CCDC187: variants seen among roughly 807,000 people sequenced by gnomAD.
The protein encoded by CCDC187 is coiled-coil domain containing 187, also known as coiled-coil domain-containing protein 187.
Under a neutral mutation model 38.0 loss-of-function variants are expected in CCDC187, and 32 were observed. The observed-to-expected ratio is 0.84, with a 90% CI of 0.64 to 1.13. The LOEUF (loss-of-function observed/expected upper bound fraction) is 1.13. CCDC187 is among the 50% of genes most tolerant of loss of function. CCDC187 has a pLI of 0.00. For synonymous variants in CCDC187, 333 were observed against 347.9 expected (o/e 0.96, Z 0.48); for missense variants, 707 against 786.8 (o/e 0.90, Z 1.21).
Position 136,303,736 on chromosome 9 carries a change from T to C in CCDC187, c.95A>G (p.His32Arg), listed in dbSNP as rs1192688704. The C allele has an allele frequency of 2.0e-5, 3 of 152,036 alleles. No individual in the cohort carries two copies. The highest frequency in any genetic ancestry group is 3.9e-4 in the East Asian group (2 of 5,130). The allele number at this position is 152,036 out of a possible 1,614,324, so 9.4% of individuals were successfully genotyped here. The change falls in exon 1 of 26, where the codon CAT becomes CGT. Residue 32 changes from histidine (H) to arginine (R), a missense_variant. Physicochemically the swap from His to Arg is conservative, Grantham distance 29. Coordinates refer to ENST00000638797, the MANE Select transcript of CCDC187 (RefSeq NM_001378188.1). ...GTCGGCTGCTCTCCCTGGGGCCCCA[T>C]GGGAGAAGGGGCCCTGCCTCTGGCT... ...KNSQRQGPFS[H>R]GAPGRAADWK... is the part of the protein sequence containing the mutation.
chr9:136,284,045 GGA>G (rs1276920838), intron 9 of CCDC187, among the ~76,000 whole-genome samples: 1 of 152,198 alleles, frequency 6.6e-6, no homozygotes, highest in Non-Finnish European at 1.5e-5. Context: ...GGGGGCTTCA[GGA>G]GAGGAAGCTG....
chr9:136,294,813 A>G (rs967820053), intron 4 of CCDC187, among the ~76,000 whole-genome samples: 9 of 151,944 alleles, frequency 5.9e-5, no homozygotes, highest in African/African-American at 1.2e-4. Context: ...CATGCCCCAC[A>G]CCCACTTTAG....
upstream of CCDC187, among the ~76,000 whole-genome samples, chr9:136,305,306 G>A (rs1831783035): frequency 6.6e-6 from 1 of 152,226 alleles, no homozygotes; most frequent in South Asian, 2.1e-4. Context: ...GGATGTTACA[G>A]GGAGCTTCAG....
intron 15 of CCDC187, 108 bp from the exon 16 acceptor site, chr9:136,267,619 T>C: frequency 1.0e-6 from 1 of 985,228 alleles, no homozygotes; most frequent in African/African-American, 1.7e-5. Flanking sequence ...TCTAGACCGC[T>C]CCCAGCACAG....
intron 14 of CCDC187, among the ~76,000 whole-genome samples, chr9:136,273,877 C>T (rs1183597482): frequency 2.0e-5 from 3 of 152,374 alleles, no homozygotes; most frequent in Non-Finnish European, 4.4e-5. Context: ...GCTGGGAAGT[C>T]ACCGCATCTG....
chr9:136,266,069 C>G, intron 16 of CCDC187, 26 bp from the exon 17 acceptor site: 1 of 980,526 alleles, frequency 1.0e-6, no homozygotes, highest in Non-Finnish European at 1.2e-6. Flanking sequence ...AACATCACTG[C>G]CAATGTTGAC....
chr9:136,293,590 G>A (rs1389314588), intron 4 of CCDC187, among the ~76,000 whole-genome samples: 4 of 149,078 alleles, frequency 2.7e-5, no homozygotes, highest in Non-Finnish European at 5.9e-5. Context: ...ACTCCCTCAC[G>A]TGCTCCCAGG....
At chr9:136,293,763 G>A (rs1472437735) in intron 4 of CCDC187, among the ~76,000 whole-genome samples, 1 of 144,918 alleles carries the variant, frequency 6.9e-6, no homozygotes, top group African/African-American at 2.6e-5. Flanking sequence ...TGTACACACT[G>A]ACATGCTCAC....
rs1166317099 is a variant in CCDC187, at chr9:136,263,882, G to C, written c.3736-84C>G. On this transcript the variant is annotated intron_variant, in intron 17 of 25. Coordinates refer to ENST00000638797, the MANE Select transcript of CCDC187 (RefSeq NM_001378188.1). ...CAACAAAAGGGAAGGGGTGTCTGGG[G>C]GGATGCCCTGGCCCTCACACTGGGA... The C allele has an allele frequency of 4.3e-6, 4 of 920,010 alleles. No individual in the cohort carries two copies. The African/African-American group carries it at 7.2e-5, about 16-fold the overall frequency. 57.0% of individuals were successfully genotyped at this position (920,010 alleles called of 1,614,324 possible). A position where few individuals can be genotyped will look rare whatever the true frequency, so the allele number is the denominator to read the frequency against.
intron 3 of CCDC187, among the ~76,000 whole-genome samples, chr9:136,299,410 A>G (rs1446355191): frequency 2.6e-5 from 4 of 152,180 alleles, no homozygotes; most frequent in African/African-American, 9.7e-5. Context: ...CTGTCCCCAC[A>G]AAAACGCACA....
rs1379502151 is a variant in CCDC187, at chr9:136,257,874, C to T, written c.4367-1033G>A. Among the ~76,000 whole-genome samples, 2 of 152,212 alleles carry T rather than the reference C, an allele frequency of 1.3e-5. No individual in the cohort carries two copies. Among genetic ancestry groups the T allele is most frequent in the East Asian group, 1.9e-4 (1 of 5,196 alleles). On this transcript the variant is annotated intron_variant, in intron 22 of 25. Transcript: ENST00000638797. This position sits in a 1 kb window ranked among gnomAD's most constrained non-coding sequence, Gnocchi z 4.5. Reference sequence around the variant, plus strand: ...CTTTTGATCAGAGAGCGGCCGGCACCGCAGTCAGGCAGACTCAGGGTGAAC... The same window carrying T: ...CTTTTGATCAGAGAGCGGCCGGCACTGCAGTCAGGCAGACTCAGGGTGAAC...
rs1376506567 is a variant in CCDC187 at position 136,250,209 on chromosome 9, C to T, written c.*3385G>A. ...CAGAGTAACCTGACGGCTCCGGCCC[C>T]CTCCAGGGCCGCTGTCCTTGGAAGC... On this transcript the variant is annotated 3_prime_UTR_variant, in exon 26 of 26. Transcript: ENST00000638797. 1.2e-5 allele frequency: 2 copies of T among 162,326 alleles called. No homozygotes were observed. Among genetic ancestry groups the T allele is most frequent in the African/African-American group, 2.4e-5 (1 of 41,522 alleles). 10.1% of individuals were successfully genotyped at this position (162,326 alleles called of 1,614,324 possible).
At position 136,258,882 on chromosome 9, in the gene CCDC187, G is replaced by A; in HGVS notation, c.4366+50C>T. On this transcript the variant is annotated intron_variant, in intron 22 of 25. Coordinates refer to ENST00000638797, the MANE Select transcript of CCDC187 (RefSeq NM_001378188.1). This position sits in a 1 kb window ranked among gnomAD's most constrained non-coding sequence, Gnocchi z 4.3. ...TCGGACAGGCTCTGCTGGATGTGGG[G>A]GAAGTGTCTGGCGCCGTGGAGGCCC... 1.0e-6 allele frequency: 1 copy of A among 985,572 alleles called. No homozygotes were observed. The highest frequency in any genetic ancestry group is 4.7e-5 in the South Asian group (1 of 21,296). 61.1% of individuals were successfully genotyped at this position (985,572 alleles called of 1,614,324 possible). A position where few individuals can be genotyped will look rare whatever the true frequency, so the allele number is the denominator to read the frequency against.
chr9:136,290,988 C>T lies in CCDC187; in HGVS notation c.1625G>A (p.Arg542Gln), dbSNP rs1003527002. The T allele has an allele frequency of 4.5e-5, 18 of 398,530 alleles. No homozygotes were observed. Among genetic ancestry groups the T allele is most frequent in the African/African-American group, 6.2e-5 (3 of 48,610 alleles). 24.7% of individuals were successfully genotyped at this position (398,530 alleles called of 1,614,324 possible). The change falls in exon 6 of 26, where the codon CGG (arginine) becomes CAG (glutamine). Residue 542 changes from arginine to glutamine, a missense_variant. Arg to Gln is a conservative substitution (Grantham distance 43, BLOSUM62 1). Coordinates refer to ENST00000638797, the MANE Select transcript of CCDC187 (RefSeq NM_001378188.1). ...GGTTTCACAGGCAGTCCAGGCCCTC[C>T]GTGGACAGGGCTGTGTGGCTACAGC... ...WSAVATQPCP[R>Q]RAWTACETWE...
At position 136,253,690 on chromosome 9, in the gene CCDC187, GTCC is replaced by G. The variant is rs1830576836; in HGVS notation, c.6135_6137del (p.Glu2045del). 1.0e-6 allele frequency: 1 copy of G among 985,528 alleles called. No homozygotes were observed. Among genetic ancestry groups the G allele is most frequent in the Non-Finnish European group, 1.2e-6 (1 of 829,970 alleles). 61.0% of individuals were successfully genotyped at this position (985,528 alleles called of 1,614,324 possible). A position where few individuals can be genotyped will look rare whatever the true frequency, so the allele number is the denominator to read the frequency against. On this transcript the variant is annotated inframe_deletion, in exon 26 of 26. Coordinates refer to ENST00000638797, the MANE Select transcript of CCDC187 (RefSeq NM_001378188.1). Reference sequence around the variant, plus strand: ...ACAAATCCTGGGTGGTGATGGCGGTGTCCTCCTCAAGGGGCCCCGAGGGCGGGG... The same window carrying G: ...ACAAATCCTGGGTGGTGATGGCGGTGTCCTCAAGGGGCCCCGAGGGCGGGG...
intron 16 of CCDC187, 85 bp downstream of exon 16, chr9:136,267,299 G>A (rs1031469223): frequency 2.9e-5 from 27 of 927,398 alleles, no homozygotes; most frequent in Admixed American, 6.2e-5. Flanking sequence ...GACGGGGCAG[G>A]GAGGGGGCGG....
rs1440527853 is a variant in CCDC187 at position 136,302,873 on chromosome 9, C to T, written c.564G>A (p.Thr188=). The change falls in exon 2 of 26, where the codon ACG becomes ACA. Residue 188 remains threonine, a synonymous_variant. Coordinates refer to ENST00000638797, the MANE Select transcript of CCDC187 (RefSeq NM_001378188.1). ...CTTGGCCTTTCCTCCTAAGCATCAG[C>T]GTGGAGGCTTTGTGGAGTCTGGAGG... ...SSASRLHKAS[T]LMLRRKGQEA... 7.5e-6 allele frequency: 3 copies of T among 398,578 alleles called. No individual in the cohort carries two copies. The highest frequency in any genetic ancestry group is 7.1e-5 in the East Asian group (2 of 28,084). The allele number at this position is 398,578 out of a possible 1,614,324, so 24.7% of individuals were successfully genotyped here.
At position 136,297,812 on chromosome 9, in the gene CCDC187, T is replaced by C. The variant is rs1831573005; in HGVS notation, c.734A>G (p.Glu245Gly). The change falls in exon 4 of 26, where the codon GAA becomes GGA. Residue 245 changes from glutamate to glycine, a missense_variant. Coordinates refer to ENST00000638797, the MANE Select transcript of CCDC187 (RefSeq NM_001378188.1). ...VSQHQVPVLR[E>G]KPKRVKSSSC... ...ACTGCTTTTGACCCTTTTGGGTTTT[T>C]CCCTCAGAACTTCAGTGAGGAAGAG... 1 of 253,584 alleles carries C rather than the reference T, an allele frequency of 3.9e-6. No individual in the cohort carries two copies. The highest frequency in any genetic ancestry group is 2.3e-5 in the African/African-American group (1 of 44,038). 15.7% of individuals were successfully genotyped at this position (253,584 alleles called of 1,614,324 possible).
chr9:136,299,777 C>T (rs964841251), intron 3 of CCDC187, among the ~76,000 whole-genome samples: 29 of 152,176 alleles, frequency 1.9e-4, no homozygotes, highest in Non-Finnish European at 2.9e-4. Flanking sequence ...AACGGTTCAG[C>T]GTTTCCCCAT....
Sources: gnomAD v4.1 joint callset for allele counts (sites outside exome capture counted in the v4.1 genomes callset) on GRCh38, gnomAD v4.1.1 for gene constraint, Gnocchi (gnomAD v3.1) non-coding constraint, MANE v1.5 for transcripts, NCBI Gene and HGNC (gene_info 2026-07-23, HGNC 2026-07-21) for gene names.